TRIO: variants seen among roughly 807,000 people sequenced by gnomAD.
TRIO encodes trio Rho guanine nucleotide exchange factor.
In TRIO, 58 loss-of-function variants were observed where a neutral mutation model predicts 351.9. That is an observed-to-expected ratio of 0.16 (90% confidence interval 0.13 to 0.21). TRIO has a LOEUF of 0.21. Ranked by LOEUF, TRIO falls within the 10% of genes least tolerant of loss-of-function variation. TRIO has a pLI of 1.00. For missense variants in TRIO, 3,201 were observed against 4,027.8 expected (o/e 0.79, Z 5.56); for synonymous variants, 1,758 against 1,595.7 (o/e 1.10, Z -2.42).
In TRIO at chr5:14,507,430, C is replaced by G. The variant is rs572418909; in HGVS notation, c.8751+170C>G. 5.7e-4 allele frequency among the ~76,000 whole-genome samples: 86 copies of G among 152,192 alleles called. 1 individual carries two copies. The highest frequency in any genetic ancestry group is 4.1e-3 in the Admixed American group (63 of 15,286). ...GCTAATCTCTCTCTCTAAGCGTTTG[C>G]GTTCAGTGATGCACACGGTCAGGAG... is the stretch of plus-strand genomic sequence containing the variant. On this transcript the variant is annotated intron_variant, in intron 56 of 56. Transcript: ENST00000344204.
At chr5:14,173,504 G>A (rs1210355770) in intron 1 of TRIO, among the ~76,000 whole-genome samples, 1 of 152,026 alleles carries the variant, frequency 6.6e-6, no homozygotes, top group Non-Finnish European at 1.5e-5. Flanking sequence ...GAGTCACCGC[G>A]CCTGGCCTGG....
intron 1 of TRIO, among the ~76,000 whole-genome samples, chr5:14,221,717 G>C (rs1792635835): frequency 6.6e-6 from 1 of 152,238 alleles, no homozygotes; most frequent in Admixed American, 6.5e-5. Flanking sequence ...AAACTCCTCA[G>C]GGATGAAGCG....
At chr5:14,486,196 C>G (rs1036888653) in intron 47 of TRIO, among the ~76,000 whole-genome samples, 1 of 152,172 alleles carries the variant, frequency 6.6e-6, no homozygotes, top group African/African-American at 2.4e-5. Context: ...AGCTATGTGC[C>G]CATGTCATCT....
chr5:14,258,900 G>A (rs1357157834), intron 1 of TRIO, among the ~76,000 whole-genome samples: 1 of 152,222 alleles, frequency 6.6e-6, no homozygotes, highest in Non-Finnish European at 1.5e-5. Flanking sequence ...AGCAGATGAG[G>A]GCTGCAGTCC....
intron 40 of TRIO, 97 bp from the exon 41 acceptor site, chr5:14,476,797 A>G: frequency 8.9e-7 from 1 of 1,120,150 alleles, no homozygotes; most frequent in South Asian, 1.5e-5. Context: ...CTCTCAAAAA[A>G]AAAAAAGAAA....
At chr5:14,305,125 G>A (rs1342738577) in intron 8 of TRIO, among the ~76,000 whole-genome samples, 3 of 152,274 alleles carry the variant, frequency 2.0e-5, no homozygotes, top group African/African-American at 7.2e-5. Context: ...CTGACTTAAT[G>A]CTCACGTACT....
chr5:14,166,070 C>A (rs778721549), intron 1 of TRIO, among the ~76,000 whole-genome samples: 1 of 152,210 alleles, frequency 6.6e-6, no homozygotes, highest in African/African-American at 2.4e-5. Context: ...TGGCCATTGC[C>A]CATTGCTAAA....
In TRIO at chr5:14,316,556, C is replaced by A; in HGVS notation, c.1544C>A (p.Pro515His). 1 of 1,614,216 alleles carries A rather than the reference C, an allele frequency of 6.2e-7. No individual in the cohort carries two copies. Among genetic ancestry groups the A allele is most frequent in the East Asian group, 2.2e-5 (1 of 44,882 alleles). Residue 515 changes from proline (P) to histidine (H), a missense_variant, in exon 9 of 57, where the codon CCC becomes CAC. This residue lies in a region of TRIO where 349 missense variants were observed against 449.3 expected (regional missense o/e 0.78). Coordinates refer to ENST00000344204, the MANE Select transcript of TRIO (RefSeq NM_007118.4). ...GKSLLDKLQR[P>H]LTPGSSDSLT... ...TCGCTCCTTGACAAGCTCCAGCGGC[C>A]CTTGACTCCCGGCAGCTCCGATTCC...
chr5:14,413,661 A>G (rs531800287), intron 33 of TRIO, among the ~76,000 whole-genome samples: 1 of 152,356 alleles, frequency 6.6e-6, no homozygotes, highest in South Asian at 2.1e-4. Context: ...TGATCATTTC[A>G]GTTACCAAAT....
intron 55 of TRIO, among the ~76,000 whole-genome samples, chr5:14,505,746 T>A (rs973177546): frequency 6.6e-6 from 1 of 152,134 alleles, no homozygotes; most frequent in African/African-American, 2.4e-5. Context: ...TGGGTGACAG[T>A]GGGTGTCTCA....
chr5:14,482,874 A>T, intron 46 of TRIO, 101 bp downstream of exon 46: 1 of 1,179,114 alleles, frequency 8.5e-7, no homozygotes, highest in Non-Finnish European at 1.1e-6. Context: ...TGCTTCGTTT[A>T]AGTATTTGAG....
At chr5:14,235,801 A>G (rs1019113571) in intron 1 of TRIO, among the ~76,000 whole-genome samples, 6 of 152,046 alleles carry the variant, frequency 3.9e-5, no homozygotes, top group African/African-American at 1.4e-4. Flanking sequence ...TTTCACTGAT[A>G]AAACTGTACA....
At chr5:14,475,096 C>T (rs767515082) in intron 40 of TRIO, among the ~76,000 whole-genome samples, 4 of 152,184 alleles carry the variant, frequency 2.6e-5, no homozygotes, top group Non-Finnish European at 5.9e-5. Context: ...TGCTACGTAG[C>T]TCACCTTGGC....
chr5:14,284,367 GT>G (rs1736266013), intron 3 of TRIO, among the ~76,000 whole-genome samples: 1 of 152,126 alleles, frequency 6.6e-6, no homozygotes, highest in Admixed American at 6.5e-5. Flanking sequence ...TAGGACCCAG[GT>G]TTGGGGATGT....
At chr5:14,364,597 A>G in intron 14 of TRIO, 53 bp from the exon 15 acceptor site, 1 of 1,555,860 alleles carries the variant, frequency 6.4e-7, no homozygotes, top group Non-Finnish European at 8.7e-7. Flanking sequence ...CCCTTTGAGA[A>G]CAGAAGGTTG....
At chr5:14,247,249 T>C (rs1046603973) in intron 1 of TRIO, among the ~76,000 whole-genome samples, 2 of 152,254 alleles carry the variant, frequency 1.3e-5, no homozygotes, top group Admixed American at 1.3e-4. Flanking sequence ...AAATGTCCTG[T>C]CACTGTCACA....
intron 53 of TRIO, among the ~76,000 whole-genome samples, chr5:14,502,084 G>A (rs555873761): frequency 5.9e-5 from 9 of 152,260 alleles, no homozygotes; most frequent in East Asian, 3.9e-4. Context: ...CCCTGTGGAC[G>A]TTAAGTAAAT....
At position 14,146,460 on chromosome 5, in the gene TRIO, T is replaced by A. The variant is rs183811938; in HGVS notation, c.157+2578T>A. Among the ~76,000 whole-genome samples, 446 of 152,366 alleles carry A rather than the reference T, an allele frequency of 2.9e-3. 1 individual carries two copies. Among genetic ancestry groups the A allele is most frequent in the Middle Eastern group, 6.8e-3 (2 of 294 alleles). On this transcript the variant is annotated intron_variant, in intron 1 of 56. Coordinates refer to ENST00000344204, the MANE Select transcript of TRIO (RefSeq NM_007118.4). The stretch of plus-strand genomic sequence containing the variant: ...GCTGCCTGATTTTCTTTCTTTTTTT[T>A]AAATTCGTTCTTGTTGCCCGCATTC...
chr5:14,302,558 C>T lies in TRIO; in HGVS notation c.1369-1903C>T, dbSNP rs185530695. 2.0e-5 allele frequency among the ~76,000 whole-genome samples: 3 copies of T among 152,312 alleles called. No individual in the cohort carries two copies. The East Asian group carries it at 5.8e-4, about 29-fold the overall frequency. ...TGACACCCAAGAAATACTCAGTTGA[C>T]ACTTAATGCCGTATGAACTGGCTTC... On this transcript the variant is annotated intron_variant, in intron 7 of 56. Coordinates refer to ENST00000344204, the MANE Select transcript of TRIO (RefSeq NM_007118.4).
Sources: allele counts gnomAD v4.1 joint callset (sites outside exome capture counted in the v4.1 genomes callset), GRCh38; gene constraint gnomAD v4.1.1; regional missense constraint gnomAD v4.1.1; transcripts MANE v1.5; gene names NCBI Gene and HGNC (gene_info 2026-07-23, HGNC 2026-07-21).